The following TRMT44 variants were observed in gnomAD, a reference collection of about 807,000 sequenced individuals.
TRMT44 encodes the protein probable tRNA (uracil-O(2)-)-methyltransferase.
In TRMT44, 78 loss-of-function variants were observed where a neutral mutation model predicts 77.3. That is an observed-to-expected ratio of 1.01 (90% CI 0.84 to 1.22). TRMT44 has a LOEUF of 1.22. Among genes scored for constraint, TRMT44 ranks in the 50% most tolerant of loss-of-function variants. The probability of loss-of-function intolerance (pLI) is 0.00; values close to 1 mark genes in which losing one functional copy is unlikely to be tolerated. For missense variants in TRMT44, 1,090 were observed against 964.4 expected, an observed-to-expected ratio of 1.13 and a Z score of -1.73; for synonymous variants, 391 against 383.3, an observed-to-expected ratio of 1.02 and a Z score of -0.23.
rs1488176172 is a variant in TRMT44 at position 8,461,216 on chromosome 4, C to A, written c.1204-2769C>A. 6.6e-6 allele frequency among the ~76,000 whole-genome samples: 1 copy of A among 152,234 alleles called. No homozygotes were observed. Among genetic ancestry groups the A allele is most frequent in the East Asian group, 1.9e-4 (1 of 5,180 alleles). ...TTACAGTGATTGGCAGTTGCTTGTC[C>A]ACTCATACATTACATTAGGAAATGT... is the stretch of plus-strand genomic sequence containing the variant. On this transcript the variant is annotated intron_variant, in intron 6 of 10. Transcript: ENST00000389737. This position sits in a 1 kb window ranked among gnomAD's most constrained non-coding sequence, Gnocchi z 4.6.
At chr4:8,502,101 G>A in the TRMT44 span, among the ~76,000 whole-genome samples, 9 of 152,212 alleles carry the variant, frequency 5.9e-5, no homozygotes, top group African/African-American at 9.7e-5. Flanking sequence ...GAGTCATAAC[G>A]TGACATTCTC....
chr4:8,488,434 T>A (rs1224148245), intron 2 of TRMT44, among the ~76,000 whole-genome samples: 1 of 152,146 alleles, frequency 6.6e-6, no homozygotes, highest in Non-Finnish European at 1.5e-5. Context: ...CAAAGGAGGT[T>A]TGTTCTCTGG....
the TRMT44 span, among the ~76,000 whole-genome samples, chr4:8,501,044 G>A: frequency 6.6e-6 from 1 of 152,214 alleles, no homozygotes; most frequent in East Asian, 1.9e-4. This position sits in a 1 kb window ranked among gnomAD's most constrained non-coding sequence, Gnocchi z 4.4. Context: ...CACTGTATGA[G>A]GGAGCTCTGC....
chr4:8,459,765 C>G (rs369336900), intron 6 of TRMT44, among the ~76,000 whole-genome samples: 1 of 152,154 alleles, frequency 6.6e-6, no homozygotes, highest in South Asian at 2.1e-4. Context: ...CCCTACCTGC[C>G]GGGCACTCTT....
intron 2 of TRMT44, among the ~76,000 whole-genome samples, chr4:8,490,798 T>C (rs1297326791): frequency 2.6e-5 from 4 of 152,194 alleles, no homozygotes; most frequent in East Asian, 1.9e-4. Flanking sequence ...TATTCTCTTA[T>C]CTGGCCCCAC....
chr4:8,491,555 A>G (rs6811968), intron 2 of TRMT44, among the ~76,000 whole-genome samples: 35,303 of 152,192 alleles, frequency 0.23, 5,670 homozygotes, highest in African/African-American at 0.45. Flanking sequence ...GCCCTGCCCC[A>G]TGGAAAGGCA....
chr4:8,470,915 A>G (rs1726945792), intron 9 of TRMT44, 169 bp from the exon 10 acceptor site: 2 of 552,864 alleles, frequency 3.6e-6, no homozygotes, highest in East Asian at 3.1e-5. Flanking sequence ...CACGGCCCTC[A>G]CGGTTTGGTG....
chr4:8,490,374 G>A (rs140625481), intron 2 of TRMT44, among the ~76,000 whole-genome samples: 52 of 152,018 alleles, frequency 3.4e-4, no homozygotes, highest in East Asian at 1.7e-3. Context: ...AGATGTGTTC[G>A]GAGTTTCTTC....
intron 1 of TRMT44, among the ~76,000 whole-genome samples, chr4:8,445,203 T>A (rs1313571689): frequency 6.6e-6 from 1 of 152,242 alleles, no homozygotes; most frequent in Non-Finnish European, 1.5e-5. Context: ...TGTTTCTTAG[T>A]CTGGTCTCTA....
chr4:8,511,787 C>T, the TRMT44 span: 2 of 151,104 alleles, frequency 1.3e-5, no homozygotes, highest in Non-Finnish European at 2.9e-5. Context: ...ACAAAAACTT[C>T]GATTTAAAAC....
At chr4:8,493,935 G>T (rs1231850588), downstream of TRMT44, among the ~76,000 whole-genome samples, 2 of 149,802 alleles carry the variant, frequency 1.3e-5, no homozygotes, top group Non-Finnish European at 3.0e-5. Flanking sequence ...ACTCTTACTG[G>T]TCTCTTACCA....
chr4:8,463,167 C>G (rs1384460321), intron 6 of TRMT44, among the ~76,000 whole-genome samples: 1 of 152,162 alleles, frequency 6.6e-6, no homozygotes, highest in Non-Finnish European at 1.5e-5. Context: ...CTTCTGTTCA[C>G]TTATCTTGGG....
chr4:8,507,796 G>A, the TRMT44 span, among the ~76,000 whole-genome samples: 4 of 152,198 alleles, frequency 2.6e-5, no homozygotes, highest in South Asian at 2.1e-4. Flanking sequence ...CCCCTGCCCC[G>A]TCCCCCAGTG....
At chr4:8,464,234 T>G (rs1726369527) in intron 7 of TRMT44, 143 bp downstream of exon 7, 1 of 612,834 alleles carries the variant, frequency 1.6e-6, no homozygotes, top group East Asian at 2.8e-5. Context: ...AATGTTTGCT[T>G]ATTGCCTGTA....
At chr4:8,482,913 G>A (rs1044801477) in intron 2 of TRMT44, among the ~76,000 whole-genome samples, 1 of 146,936 alleles carries the variant, frequency 6.8e-6, no homozygotes, top group African/African-American at 2.5e-5. Context: ...AATTTTGGGG[G>A]GGGTGGTATG....
At chr4:8,513,518 A>G in the TRMT44 span, among the ~76,000 whole-genome samples, 1 of 152,220 alleles carries the variant, frequency 6.6e-6, no homozygotes, top group African/African-American at 2.4e-5. Flanking sequence ...GTCTAATCAT[A>G]AAGGTGAAAA....
At chr4:8,449,949 C>CTTTTTTTTTTTT (rs745915221) in intron 3 of TRMT44, 61 bp downstream of exon 3, 66 of 239,106 alleles carry the variant, frequency 2.8e-4, no homozygotes, top group South Asian at 5.4e-4. Context: ...CTTTTCTTTT[C>CTTTTTTTTTTTT]TTTTTTTTTT....
downstream of TRMT44, among the ~76,000 whole-genome samples, chr4:8,497,922 T>C (rs538987494): frequency 1.4e-4 from 21 of 151,654 alleles, no homozygotes; most frequent in Non-Finnish European, 3.1e-4. Context: ...GGGGCTGGCG[T>C]GGGGGGGGCT....
downstream of TRMT44, among the ~76,000 whole-genome samples, chr4:8,480,214 T>G (rs893842083): frequency 6.6e-6 from 1 of 152,188 alleles, no homozygotes; most frequent in Non-Finnish European, 1.5e-5. Flanking sequence ...TGAGGCAAGT[T>G]TCCGAGCGGG....
Sources: gnomAD v4.1 joint callset for allele counts (sites outside exome capture counted in the v4.1 genomes callset) on GRCh38, gnomAD v4.1.1 for gene constraint, Gnocchi (gnomAD v3.1) non-coding constraint, MANE v1.5 for transcripts, NCBI Gene and HGNC (gene_info 2026-07-23, HGNC 2026-07-21) for gene names.